The following FAF2 variants were observed in gnomAD, a reference collection of about 807,000 sequenced individuals.
The protein encoded by FAF2 is Fas associated factor family member 2.
Under a neutral mutation model 62.3 loss-of-function variants are expected in FAF2, and 9 were observed. The observed-to-expected ratio is 0.14, with a 90% confidence interval of 0.09 to 0.25. The LOEUF is 0.25. Among genes scored for constraint, FAF2 ranks in the 10% least tolerant of loss-of-function variants. FAF2 has a pLI of 1.00. For missense variants in FAF2, 368 were observed against 556.2 expected, an observed-to-expected ratio of 0.66 and a Z score of 3.40; for synonymous variants, 202 against 198.0, an observed-to-expected ratio of 1.02 and a Z score of -0.17.
In FAF2 at chr5:176,458,516, G is replaced by A. The variant is rs1049445193; in HGVS notation, c.63+10046G>A. ...CCTCCCAAGTTCAAGCGATTGTCCT[G>A]CCTCAGCTTCCCGAGTAGCTGGGAT... On this transcript the variant is annotated intron_variant, in intron 1 of 10. Coordinates refer to ENST00000261942, the MANE Select transcript of FAF2 (RefSeq NM_014613.3). 9.0e-5 allele frequency among the ~76,000 whole-genome samples: 11 copies of A among 121,588 alleles called. 1 individual carries two copies. The Admixed American group carries it at 1.1e-3, about 12-fold the overall frequency. The allele number at this position is 121,588 out of a possible 152,430, so 79.8% of individuals were successfully genotyped here.
chr5:176,472,984 G>A (rs898213752), intron 1 of FAF2, among the ~76,000 whole-genome samples: 3 of 152,134 alleles, frequency 2.0e-5, no homozygotes, highest in Admixed American at 6.6e-5. Context: ...ACAGGAAATT[G>A]TGAAGATAAT....
intron 1 of FAF2, among the ~76,000 whole-genome samples, chr5:176,471,067 TCTCTTCCACC>T (rs919652233): frequency 2.6e-5 from 4 of 152,196 alleles, no homozygotes; most frequent in Non-Finnish European, 4.4e-5. Flanking sequence ...CCTTAATATT[TCTCTTCCACC>T]CCCACATGTT....
rs533436184 is a variant in FAF2, at chr5:176,468,430, A to G, written c.64-10758A>G. On this transcript the variant is annotated intron_variant, in intron 1 of 10. Transcript: ENST00000261942. ...AAACCCCGTCTCTACTAAAAATACAAAAAATTAGGCGGGCGTGGTCGTGGG... is the reference window on the plus strand; with the variant it reads ...AAACCCCGTCTCTACTAAAAATACAGAAAATTAGGCGGGCGTGGTCGTGGG... Among the ~76,000 whole-genome samples the G allele has an allele frequency of 9.3e-4, 142 of 152,030 alleles. 1 individual carries two copies. Among genetic ancestry groups the G allele is most frequent in the African/African-American group, 3.1e-3 (129 of 41,476 alleles).
At chr5:176,479,505 G>T (rs558865386) in intron 2 of FAF2, among the ~76,000 whole-genome samples, 2 of 152,146 alleles carry the variant, frequency 1.3e-5, no homozygotes, top group African/African-American at 4.8e-5. Flanking sequence ...AAAACAATTG[G>T]TTTTTGTATA....
At chr5:176,482,036 C>T (rs1758790024) in intron 2 of FAF2, among the ~76,000 whole-genome samples, 2 of 152,084 alleles carry the variant, frequency 1.3e-5, no homozygotes, top group Admixed American at 1.3e-4. Flanking sequence ...TATTTGTCTT[C>T]TAGATCATAC....
intron 1 of FAF2, among the ~76,000 whole-genome samples, chr5:176,459,816 A>T (rs1758344631): frequency 6.6e-6 from 1 of 151,976 alleles, no homozygotes; most frequent in South Asian, 2.1e-4. Flanking sequence ...TGTATGAATG[A>T]TCCCATAGCC....
At position 176,508,120 on chromosome 5, in the gene FAF2, G is replaced by A. The variant is rs1435244630; in HGVS notation, c.*1170G>A. ...CCCAGCCTGTGTAATCTATTGGAAGGCACATTTTCATTTCTGATGCAGCCA... is the reference window on the plus strand; with the variant it reads ...CCCAGCCTGTGTAATCTATTGGAAGACACATTTTCATTTCTGATGCAGCCA... On this transcript the variant is annotated 3_prime_UTR_variant, in exon 11 of 11. Transcript: ENST00000261942. 1 of 152,620 alleles carries A rather than the reference G, an allele frequency of 6.6e-6. No individual in the cohort carries two copies. Among genetic ancestry groups the A allele is most frequent in the Non-Finnish European group, 1.5e-5 (1 of 68,062 alleles). 9.5% of individuals were successfully genotyped at this position (152,620 alleles called of 1,614,324 possible).
Position 176,456,176 on chromosome 5 carries a change from A to G in FAF2, c.63+7706A>G, listed in dbSNP as rs374250934. On this transcript the variant is annotated intron_variant, in intron 1 of 10. Transcript: ENST00000261942. Reference sequence around the variant, plus strand: ...AACCTCCACCTCCTGGGTTCAAGCAATTCTCCTGCCTCAGCCTCCCGAGTA... The same window carrying G: ...AACCTCCACCTCCTGGGTTCAAGCAGTTCTCCTGCCTCAGCCTCCCGAGTA... Among the ~76,000 whole-genome samples, 13 of 152,164 alleles carry G rather than the reference A, an allele frequency of 8.5e-5. No individual in the cohort carries two copies. The East Asian group carries it at 2.3e-3, about 27-fold the overall frequency.
At position 176,509,330 on chromosome 5, in the gene FAF2, T is replaced by C. The variant is rs1581080500; in HGVS notation, c.*2380T>C. 2 of 152,228 alleles carry C rather than the reference T, an allele frequency of 1.3e-5. No individual in the cohort carries two copies. Among genetic ancestry groups the C allele is most frequent in the East Asian group, 1.9e-4 (1 of 5,202 alleles). The allele number at this position is 152,228 out of a possible 1,614,324, so 9.4% of individuals were successfully genotyped here. ...AATCTGTGTTACTCCTAAGGACTTT[T>C]GGGATTTTGATGAGACCTGCGAGGG... On this transcript the variant is annotated 3_prime_UTR_variant, in exon 11 of 11. Coordinates refer to ENST00000261942, the MANE Select transcript of FAF2 (RefSeq NM_014613.3).
At chr5:176,449,005 A>T (rs1272362761) in intron 1 of FAF2, among the ~76,000 whole-genome samples, 1 of 152,168 alleles carries the variant, frequency 6.6e-6, no homozygotes, top group East Asian at 1.9e-4. Context: ...GAGGTGTGGG[A>T]GGACACCAAG....
In FAF2 at chr5:176,475,951, A is replaced by G. The variant is rs144651007; in HGVS notation, c.64-3237A>G. 3.3e-3 allele frequency among the ~76,000 whole-genome samples: 502 copies of G among 152,080 alleles called. 3 individuals carry two copies. Among genetic ancestry groups the G allele is most frequent in the African/African-American group, 0.012 (490 of 41,468 alleles). ...AACCAGCTTGGCATCTAGTCAGAAC[A>G]TTTGAAGTTAAAAAACCCCAGTAAC... On this transcript the variant is annotated intron_variant, in intron 1 of 10. Coordinates refer to ENST00000261942, the MANE Select transcript of FAF2 (RefSeq NM_014613.3).
chr5:176,458,551 G>C (rs550590238), intron 1 of FAF2, among the ~76,000 whole-genome samples: 1 of 149,726 alleles, frequency 6.7e-6, no homozygotes, highest in Non-Finnish European at 1.5e-5. Context: ...TTACAGGCGC[G>C]TGCCACCACA....
Position 176,508,031 on chromosome 5 carries a change from A to G in FAF2, c.*1081A>G, listed in dbSNP as rs1006818167. The G allele has an allele frequency of 6.6e-6, 1 of 152,594 alleles. No individual in the cohort carries two copies. Among genetic ancestry groups the G allele is most frequent in the Non-Finnish European group, 1.5e-5 (1 of 68,040 alleles). 9.5% of individuals were successfully genotyped at this position (152,594 alleles called of 1,614,324 possible). Reference sequence around the variant, plus strand: ...CACAGGAGAGTGCCCTGCCTGTCTCAGTGGAAGTGTATTATTGTTTTAAGG... The same window carrying G: ...CACAGGAGAGTGCCCTGCCTGTCTCGGTGGAAGTGTATTATTGTTTTAAGG... On this transcript the variant is annotated 3_prime_UTR_variant, in exon 11 of 11. Transcript: ENST00000261942.
At chr5:176,458,970 A>C (rs544240799) in intron 1 of FAF2, among the ~76,000 whole-genome samples, 1 of 152,280 alleles carries the variant, frequency 6.6e-6, no homozygotes, top group South Asian at 2.1e-4. Context: ...GAAGGACTTA[A>C]GGATTTGTTT....
intron 10 of FAF2, among the ~76,000 whole-genome samples, chr5:176,506,207 CAA>C (rs1402992067): frequency 0.017 from 1,865 of 108,190 alleles, 34 homozygotes; most frequent in African/African-American, 0.053. Flanking sequence ...AAAAAAAAAA[CAA>C]AAAAAAAAAA....
intron 4 of FAF2, among the ~76,000 whole-genome samples, chr5:176,490,446 G>T (rs1188505473): frequency 6.6e-6 from 1 of 152,204 alleles, no homozygotes; most frequent in African/African-American, 2.4e-5. Context: ...CAGGCCAGCA[G>T]ATGGAGCTGG....
intron 7 of FAF2, 117 bp from the exon 8 acceptor site, chr5:176,496,369 C>T: frequency 1.3e-6 from 1 of 764,188 alleles, no homozygotes; most frequent in Non-Finnish European, 1.9e-6. Context: ...TAAATGATAC[C>T]TCTCGTCTTC....
Position 176,494,339 on chromosome 5 carries a change from C to T in FAF2, c.661+64C>T. 1 of 1,286,390 alleles carries T rather than the reference C, an allele frequency of 7.8e-7. No individual in the cohort carries two copies. The highest frequency in any genetic ancestry group is 1.2e-5 in the South Asian group (1 of 84,392). 79.7% of individuals were successfully genotyped at this position (1,286,390 alleles called of 1,614,324 possible). A position where few individuals can be genotyped will look rare whatever the true frequency, so the allele number is the denominator to read the frequency against. On this transcript the variant is annotated intron_variant, in intron 7 of 10. Transcript: ENST00000261942. This position sits in a 1 kb window ranked among gnomAD's most constrained non-coding sequence, Gnocchi z 4.0. ...GTATCTTTGGAATAGTCTGGAAAGA[C>T]ATGCCATGCCATTTATTACAAGTGT...
intron 1 of FAF2, among the ~76,000 whole-genome samples, chr5:176,461,498 A>AT (rs879945081): frequency 2.0e-3 from 280 of 142,212 alleles, no homozygotes; most frequent in African/African-American, 5.7e-3. Context: ...TTTTTATTTT[A>AT]TTTTTTTTTT....
Sources: allele counts gnomAD v4.1 joint callset (sites outside exome capture counted in the v4.1 genomes callset), GRCh38; gene constraint gnomAD v4.1.1; non-coding constraint Gnocchi (gnomAD v3.1); transcripts MANE v1.5; gene names NCBI Gene and HGNC (gene_info 2026-07-23, HGNC 2026-07-21).